Variants in PDLIM3 observed in about 807,000 individuals in gnomAD.
The protein encoded by PDLIM3 is PDZ and LIM domain protein 3.
In PDLIM3, 36 loss-of-function variants were observed where a neutral mutation model predicts 37.3. That is an observed-to-expected ratio of 0.97 (90% CI 0.74 to 1.28). The LOEUF is 1.28. Ranked by LOEUF, PDLIM3 falls within the 50% of genes most tolerant of loss-of-function variation. The pLI is 0.00. For synonymous variants in PDLIM3, 174 were observed against 182.4 expected (o/e 0.95, Z 0.37); for missense variants, 454 against 485.0 (o/e 0.94, Z 0.60).
intron 3 of PDLIM3, among the ~76,000 whole-genome samples, chr4:185,519,385 A>C (rs1427411383): frequency 6.6e-6 from 1 of 152,182 alleles, no homozygotes; most frequent in Non-Finnish European, 1.5e-5. Flanking sequence ...TCTTGGGTTC[A>C]AGTGATTCTC....
chr4:185,526,551 AC>A (rs1327328837), intron 1 of PDLIM3, among the ~76,000 whole-genome samples: 6 of 152,222 alleles, frequency 3.9e-5, no homozygotes, highest in African/African-American at 9.6e-5. Context: ...TGTAATTATT[AC>A]TGTTGAATAT....
intron 1 of PDLIM3, among the ~76,000 whole-genome samples, chr4:185,531,220 G>A (rs1223156574): frequency 6.6e-6 from 1 of 152,112 alleles, no homozygotes. Flanking sequence ...CTTATAAAAA[G>A]AAAAGATGCT....
chr4:185,530,969 CACACACACACACACACACAT>C (rs1323554132), intron 1 of PDLIM3, among the ~76,000 whole-genome samples: 1,449 of 19,110 alleles, frequency 0.076, 40 homozygotes, highest in African/African-American at 0.21. Flanking sequence ...TGCATAGAAA[CACACACACACACACACACAT>C]ACACACACAC....
At chr4:185,513,301 C>G in intron 4 of PDLIM3, 1 of 985,286 alleles carries the variant, frequency 1.0e-6, no homozygotes, top group Non-Finnish European at 1.2e-6. Flanking sequence ...AATCACCTGG[C>G]TCTGCCTGTA....
chr4:185,527,867 T>G (rs1385894988), intron 1 of PDLIM3, among the ~76,000 whole-genome samples: 1 of 151,546 alleles, frequency 6.6e-6, no homozygotes, highest in Non-Finnish European at 1.5e-5. Context: ...CTGGGCAAAA[T>G]AGCAGGACCC....
At chr4:185,508,031 C>T (rs574021094) in intron 5 of PDLIM3, among the ~76,000 whole-genome samples, 38 of 152,254 alleles carry the variant, frequency 2.5e-4, no homozygotes, top group South Asian at 2.3e-3. Flanking sequence ...CATTTTATTG[C>T]TATCTGACAC....
rs766386102 is a variant in PDLIM3 at position 185,504,501 on chromosome 4, G to A, written c.879C>T (p.Leu293=). The change falls in exon 7 of 8, where the codon CTC becomes CTT. Residue 293 remains leucine (L), a synonymous_variant. Transcript: ENST00000284767. This position sits in a 1 kb window ranked among gnomAD's most constrained non-coding sequence, Gnocchi z 4.7. The part of the protein sequence containing the change: ...GGSGGAQRMP[L]CDKCGSGIVG... ...CTATGCCACTCCCACATTTGTCACA[G>A]AGCGGCATCCTCTGTGCCCCGCCTG... 10 of 1,613,962 alleles carry A rather than the reference G, an allele frequency of 6.2e-6. No individual in the cohort carries two copies. The highest frequency in any genetic ancestry group is 8.5e-6 in the Non-Finnish European group (10 of 1,179,860).
intron 1 of PDLIM3, among the ~76,000 whole-genome samples, chr4:185,525,660 C>T (rs1434000852): frequency 6.6e-6 from 1 of 152,126 alleles, no homozygotes; most frequent in African/African-American, 2.4e-5. Context: ...TGTTGAAATC[C>T]TAACCACAAT....
chr4:185,506,595 A>G lies in PDLIM3; in HGVS notation c.720T>C (p.Asn240=). The G allele has an allele frequency of 1.2e-6, 2 of 1,612,020 alleles. No homozygotes were observed. The highest frequency in any genetic ancestry group is 2.2e-5 in the South Asian group (2 of 91,080). ...GGCGAGGCTGTGTGGGCTCATTCCG[A>G]TTGTCGTGGAGCATCCGGTACACGT... is the stretch of plus-strand genomic sequence containing the variant. ...ESDVYRMLHD[N]RNEPTQPRQS... Residue 240 remains asparagine, a synonymous_variant, in exon 6 of 8, where the codon AAT becomes AAC. Transcript: ENST00000284767.
chr4:185,525,778 C>T (rs2095732937), intron 1 of PDLIM3, among the ~76,000 whole-genome samples: 1 of 152,104 alleles, frequency 6.6e-6, no homozygotes, highest in Non-Finnish European at 1.5e-5. Flanking sequence ...AGAGAGCTCT[C>T]AGCTCTCTTG....
At chr4:185,520,705 T>C (rs28731171) in intron 3 of PDLIM3, among the ~76,000 whole-genome samples, 25,398 of 65,292 alleles carry the variant, frequency 0.39, 10,208 homozygotes, top group African/African-American at 0.67. Flanking sequence ...TAGCAAAACG[T>C]GGGCTCCCAT....
At position 185,504,649 on chromosome 4, in the gene PDLIM3, TCTATTTTAAAGTGTGCACTTTAAC is replaced by T; in HGVS notation, c.794-87_794-64del. The T allele has an allele frequency of 7.4e-7, 1 of 1,347,900 alleles. No homozygotes were observed. The highest frequency in any genetic ancestry group is 1.0e-6 in the Non-Finnish European group (1 of 954,506). 83.5% of individuals were successfully genotyped at this position (1,347,900 alleles called of 1,614,324 possible). On this transcript the variant is annotated intron_variant, in intron 6 of 7. Transcript: ENST00000284767. The surrounding 1 kb of genome is among the most constrained non-coding windows in gnomAD (Gnocchi z 4.7). ...AGCTGGCCGCAGCCTGTGCTTGGCTTCTATTTTAAAGTGTGCACTTTAACCTGAAGTTGCATCTGCACCGTCATT... is the reference window on the plus strand; with the variant it reads ...AGCTGGCCGCAGCCTGTGCTTGGCTTCTGAAGTTGCATCTGCACCGTCATT...
At position 185,503,571 on chromosome 4, in the gene PDLIM3, G is replaced by A. The variant is rs571389820; in HGVS notation, c.905+904C>T. On this transcript the variant is annotated intron_variant, in intron 7 of 7. Transcript: ENST00000284767. ...AGGAATGGAATAAGGGAATGGGGAC[G>A]TGGCCACATGGCACGAATGCCATGG... Among the ~76,000 whole-genome samples the A allele has an allele frequency of 2.6e-5, 4 of 152,332 alleles. No individual in the cohort carries two copies. In the East Asian group the frequency reaches 5.8e-4, roughly 22 times the overall value.
chr4:185,528,890 C>T (rs1580266294), intron 1 of PDLIM3, among the ~76,000 whole-genome samples: 1 of 152,202 alleles, frequency 6.6e-6, no homozygotes, highest in East Asian at 1.9e-4. Context: ...GTTAAACGAT[C>T]TGTTTTCCCT....
intron 4 of PDLIM3, chr4:185,512,867 GA>G: frequency 2.0e-6 from 2 of 985,406 alleles, no homozygotes; most frequent in Non-Finnish European, 2.4e-6. Flanking sequence ...TGAAAGTGGA[GA>G]AACGGAAAAG....
intron 1 of PDLIM3, 29 bp from the exon 2 acceptor site, chr4:185,525,200 A>G (rs2095731045): frequency 6.2e-7 from 1 of 1,612,336 alleles, no homozygotes; most frequent in Non-Finnish European, 8.5e-7. Context: ...CTATTTAAAA[A>G]CCAACATCCC....
At chr4:185,516,360 A>C (rs2095714869) in intron 3 of PDLIM3, 1 of 152,266 alleles carries the variant, frequency 6.6e-6, no homozygotes, top group African/African-American at 2.4e-5. Context: ...AATACTGGAA[A>C]GAGATTATCG....
At position 185,508,544 on chromosome 4, in the gene PDLIM3, G is replaced by A. The variant is rs200230349; in HGVS notation, c.417C>T (p.Ser139=). 75 of 1,613,886 alleles carry A rather than the reference G, an allele frequency of 4.6e-5. No homozygotes were observed. In the East Asian group the frequency reaches 6.0e-4, roughly 13 times the overall value. The change falls in exon 5 of 8, where the codon TCC becomes TCT. Residue 139 remains serine, a synonymous_variant. Coordinates refer to ENST00000284767, the MANE Select transcript of PDLIM3 (RefSeq NM_014476.6). ...PGRSSGCSTP[S]GIDCGSGRST... is the part of the protein sequence containing the mutation. ...TGCGTCCACTGCCACAGTCAATCCC[G>A]GAGGGAGTGCTGCATCCACTGTGTT...
At position 185,515,444 on chromosome 4, in the gene PDLIM3, A is replaced by T. The variant is rs1210682328; in HGVS notation, c.331-1107T>A. The T allele has an allele frequency of 2.0e-5, 3 of 152,390 alleles. No homozygotes were observed. In the East Asian group the frequency reaches 5.8e-4, roughly 29 times the overall value. The allele number at this position is 152,390 out of a possible 1,614,324, so 9.4% of individuals were successfully genotyped here. A position where few individuals can be genotyped will look rare whatever the true frequency, so the allele number is the denominator to read the frequency against. ...TTTTTGAAAACACCTTTTAACAAAAAGTTCTTAACTTGGATTAAGCTATAA... is the reference window on the plus strand; with the variant it reads ...TTTTTGAAAACACCTTTTAACAAAATGTTCTTAACTTGGATTAAGCTATAA... On this transcript the variant is annotated intron_variant, in intron 3 of 7. Transcript: ENST00000284767.
Sources: gnomAD v4.1 joint callset for allele counts (sites outside exome capture counted in the v4.1 genomes callset) on GRCh38, gnomAD v4.1.1 for gene constraint, Gnocchi (gnomAD v3.1) non-coding constraint, MANE v1.5 for transcripts, NCBI Gene and HGNC (gene_info 2026-07-23, HGNC 2026-07-21) for gene names.